The following RCAN2 variants were observed in gnomAD, a reference collection of about 807,000 sequenced individuals.
RCAN2 encodes calcipressin-2.
A neutral mutation model predicts 23.6 loss-of-function variants in RCAN2; 9 were observed. The observed-to-expected ratio is 0.38, with a 90% confidence interval of 0.23 to 0.67. RCAN2 has a LOEUF of 0.67. RCAN2 is among the 30% of genes least tolerant of loss of function. The pLI is 0.51. For missense variants in RCAN2, 273 were observed against 302.3 expected, an observed-to-expected ratio of 0.90 and a Z score of 0.72; for synonymous variants, 109 against 115.7, an observed-to-expected ratio of 0.94 and a Z score of 0.37.
intron 1 of RCAN2, among the ~76,000 whole-genome samples, chr6:46,471,218 G>T (rs1768551314): frequency 6.6e-6 from 1 of 152,218 alleles, no homozygotes; most frequent in Non-Finnish European, 1.5e-5. Context: ...CACTGGAAGA[G>T]TCTGAACAGA....
chr6:46,232,487 G>A (rs1765930536), intron 4 of RCAN2, among the ~76,000 whole-genome samples: 1 of 151,992 alleles, frequency 6.6e-6, no homozygotes, highest in Admixed American at 6.6e-5. Context: ...TTAACTGGGA[G>A]TGCTCATTAA....
At chr6:46,263,488 TG>T (rs1767193875) in intron 2 of RCAN2, among the ~76,000 whole-genome samples, 1 of 141,680 alleles carries the variant, frequency 7.1e-6, no homozygotes, top group African/African-American at 2.7e-5. Context: ...TGTGTGTGTG[TG>T]TGTGTATGTG....
chr6:46,354,897 ATGTGTGTGTGTGTGTGTGTGTG>A (rs6149559), intron 2 of RCAN2, among the ~76,000 whole-genome samples: 5 of 144,642 alleles, frequency 3.5e-5, no homozygotes, highest in Non-Finnish European at 6.1e-5. Context: ...AAGATTATAT[ATGTGTGTGTGTGTGTGTGTGTG>A]TGTGTGTGTG....
chr6:46,253,727 C>T (rs1434790911), intron 2 of RCAN2, among the ~76,000 whole-genome samples: 3 of 152,072 alleles, frequency 2.0e-5, no homozygotes, highest in African/African-American at 7.2e-5. Context: ...TCATGCACTG[C>T]ATAATGAAGT....
At position 46,454,767 on chromosome 6, in the gene RCAN2, A is replaced by G. The variant is rs1767972304; in HGVS notation, c.225+1985T>C. On this transcript the variant is annotated intron_variant, in intron 2 of 4. Coordinates refer to ENST00000371374, the MANE Select transcript of RCAN2 (RefSeq NM_001251974.2). The stretch of plus-strand genomic sequence containing the variant: ...AAACTGCTATGCACAAACTTCGTAT[A>G]CACATTAGATGAGAATATCTTGTAA... Among the ~76,000 whole-genome samples the G allele has an allele frequency of 1.3e-5, 2 of 152,256 alleles. 1 individual carries two copies. Among genetic ancestry groups the G allele is most frequent in the South Asian group, 4.1e-4 (2 of 4,832 alleles).
At chr6:46,443,997 A>G (rs1247784999) in intron 2 of RCAN2, among the ~76,000 whole-genome samples, 1 of 152,220 alleles carries the variant, frequency 6.6e-6, no homozygotes, top group African/African-American at 2.4e-5. Context: ...TCACCGTTTA[A>G]GAAGAGTTTC....
At chr6:46,294,802 A>G (rs1762668006) in intron 2 of RCAN2, among the ~76,000 whole-genome samples, 1 of 152,220 alleles carries the variant, frequency 6.6e-6, no homozygotes, top group African/African-American at 2.4e-5. Flanking sequence ...TAAGATAATG[A>G]AAACTTTTTG....
chr6:46,484,460 C>G (rs1362451079), intron 1 of RCAN2, among the ~76,000 whole-genome samples: 2 of 152,176 alleles, frequency 1.3e-5, no homozygotes, highest in African/African-American at 4.8e-5. Context: ...CCAGCTAAAG[C>G]AACAACAGAA....
chr6:46,402,766 G>A (rs919037008), intron 2 of RCAN2, among the ~76,000 whole-genome samples: 2 of 152,102 alleles, frequency 1.3e-5, no homozygotes, highest in African/African-American at 4.8e-5. Context: ...CATACTTTTT[G>A]AACCTAAGGA....
chr6:46,463,480 C>A (rs1228875791), intron 1 of RCAN2, among the ~76,000 whole-genome samples: 2 of 152,054 alleles, frequency 1.3e-5, no homozygotes. Flanking sequence ...TGAGCAGGTG[C>A]CATTCATTTA....
Position 46,387,310 on chromosome 6 carries a change from C to T in RCAN2, c.225+69442G>A, listed in dbSNP as rs568939711. On this transcript the variant is annotated intron_variant, in intron 2 of 4. Transcript: ENST00000371374. ...CAAAAGAAACTACCATCAGAGTGAA[C>T]GGGCAACCTACAGAATGGGAGAAAA... 2.9e-3 allele frequency among the ~76,000 whole-genome samples: 436 copies of T among 152,258 alleles called. 4 individuals carry two copies. Among genetic ancestry groups the T allele is most frequent in the African/African-American group, 0.01 (425 of 41,546 alleles).
intron 2 of RCAN2, among the ~76,000 whole-genome samples, chr6:46,330,609 A>G (rs115000538): frequency 0.015 from 2,216 of 152,026 alleles, 56 homozygotes; most frequent in African/African-American, 0.049. Flanking sequence ...CTCACTTCCC[A>G]TCCTTTCTCC....
At chr6:46,457,976 TTTC>T (rs1185410131) in intron 1 of RCAN2, among the ~76,000 whole-genome samples, 1 of 152,226 alleles carries the variant, frequency 6.6e-6, no homozygotes, top group South Asian at 2.1e-4. Flanking sequence ...TGGTATCTAC[TTTC>T]TTCTTTTGTA....
intron 2 of RCAN2, among the ~76,000 whole-genome samples, chr6:46,322,577 C>A (rs1351903804): frequency 6.6e-6 from 1 of 152,232 alleles, no homozygotes; most frequent in Non-Finnish European, 1.5e-5. Context: ...AATAAACTCC[C>A]ATACTTATGA....
chr6:46,262,813 C>A (rs1767157792), intron 2 of RCAN2, among the ~76,000 whole-genome samples: 1 of 152,140 alleles, frequency 6.6e-6, no homozygotes, highest in Non-Finnish European at 1.5e-5. Flanking sequence ...TTCCCAAAGG[C>A]AGGTTATTCT....
At chr6:46,347,024 C>T (rs574772345) in intron 2 of RCAN2, among the ~76,000 whole-genome samples, 2 of 152,098 alleles carry the variant, frequency 1.3e-5, no homozygotes, top group East Asian at 1.9e-4. Context: ...TACAGGCACC[C>T]GCCACCACGC....
intron 2 of RCAN2, among the ~76,000 whole-genome samples, chr6:46,341,438 G>T (rs955154513): frequency 6.6e-6 from 1 of 152,164 alleles, no homozygotes; most frequent in African/African-American, 2.4e-5. Flanking sequence ...TTTTAAGAAA[G>T]TTTACGAATT....
intron 1 of RCAN2, among the ~76,000 whole-genome samples, chr6:46,467,396 T>C (rs1028502850): frequency 5.3e-5 from 8 of 152,194 alleles, no homozygotes; most frequent in Admixed American, 2.0e-4. Flanking sequence ...GAAGATTTGA[T>C]AGCTAATGCA....
intron 2 of RCAN2, chr6:46,325,267 A>C (rs1438872043): frequency 1.0e-6 from 1 of 959,016 alleles, no homozygotes; most frequent in Admixed American, 2.6e-5. Flanking sequence ...CACTCACTAC[A>C]TGCATTTCTA....
Sources: gnomAD v4.1 joint callset for allele counts (sites outside exome capture counted in the v4.1 genomes callset) on GRCh38, gnomAD v4.1.1 for gene constraint, MANE v1.5 for transcripts, NCBI Gene and HGNC (gene_info 2026-07-23, HGNC 2026-07-21) for gene names.